MARCHF8: variants seen among roughly 807,000 people sequenced by gnomAD.
MARCHF8 encodes membrane associated ring-CH-type finger 8.
MARCHF8 carries 40 observed loss-of-function variants against 51.6 expected under a neutral mutation model. That is an observed-to-expected ratio of 0.77 (90% CI 0.60 to 1.01). The LOEUF (loss-of-function observed/expected upper bound fraction) is 1.01, where lower values mean the gene tolerates loss of function less well. MARCHF8 is among the 50% of genes least tolerant of loss of function. MARCHF8 has a pLI of 0.00. For synonymous variants in MARCHF8, 263 were observed against 280.3 expected (o/e 0.94, Z 0.62); for missense variants, 685 against 708.6 (o/e 0.97, Z 0.38).
intron 2 of MARCHF8, among the ~76,000 whole-genome samples, chr10:45,532,905 A>G (rs1232512291): frequency 6.6e-6 from 1 of 152,214 alleles, no homozygotes; most frequent in Non-Finnish European, 1.5e-5. Context: ...AGTCATTTAT[A>G]ACCATTTATA....
At chr10:45,530,526 A>G (rs1328374837) in intron 2 of MARCHF8, among the ~76,000 whole-genome samples, 1 of 152,226 alleles carries the variant, frequency 6.6e-6, no homozygotes, top group Non-Finnish European at 1.5e-5. Context: ...TCACACTTGC[A>G]GTCCCAGCAA....
chr10:45,536,657 G>A (rs1377653490), upstream of MARCHF8, among the ~76,000 whole-genome samples: 1 of 151,282 alleles, frequency 6.6e-6, no homozygotes, highest in Admixed American at 6.6e-5. Flanking sequence ...TGTAATAAGG[G>A]ACTTGTATCT....
intron 2 of MARCHF8, among the ~76,000 whole-genome samples, chr10:45,522,796 G>C (rs2043729831): frequency 6.6e-6 from 1 of 152,160 alleles, no homozygotes; most frequent in African/African-American, 2.4e-5. Context: ...TTCGGCATTA[G>C]GATGACTGGA....
intron 1 of MARCHF8, among the ~76,000 whole-genome samples, chr10:45,533,593 ATTTTTG>A (rs2043925416): frequency 1.3e-5 from 2 of 152,026 alleles, no homozygotes; most frequent in Non-Finnish European, 2.9e-5. Flanking sequence ...TTTTAAGAAT[ATTTTTG>A]AAGTTAAACT....
At chr10:45,587,551 T>A (rs952722519) in intron 1 of MARCHF8, among the ~76,000 whole-genome samples, 4 of 152,214 alleles carry the variant, frequency 2.6e-5, no homozygotes, top group African/African-American at 9.6e-5. Flanking sequence ...AACCACAAGT[T>A]GTTTTCTTTT....
In MARCHF8 at chr10:45,529,943, C is replaced by T. The variant is rs1056203358; in HGVS notation, c.102+3167G>A. Among the ~76,000 whole-genome samples, 11 of 152,108 alleles carry T rather than the reference C, an allele frequency of 7.2e-5. No homozygotes were observed. In the East Asian group the frequency reaches 1.2e-3, roughly 16 times the overall value. On this transcript the variant is annotated intron_variant, in intron 2 of 7. Transcript: ENST00000453424. ...CAGTGATCCCACTACTGGGGATCTA[C>T]GCAAAGGGAAAGAAATCATTATATC...
chr10:45,535,215 G>C lies in MARCHF8; in HGVS notation c.-83C>G, dbSNP rs1264087832. ...CACAAAACAAGAGGCACTTACTGCG[G>C]AGCTGCCTTATACTCCCTGGGAGAT... On this transcript the variant is annotated 5_prime_UTR_variant, in exon 1 of 8. Coordinates refer to ENST00000453424, the MANE Select transcript of MARCHF8 (RefSeq NM_001282866.2). 6.6e-6 allele frequency: 1 copy of C among 152,224 alleles called. No individual in the cohort carries two copies. Among genetic ancestry groups the C allele is most frequent in the African/African-American group, 2.4e-5 (1 of 41,448 alleles). 9.4% of individuals were successfully genotyped at this position (152,224 alleles called of 1,614,324 possible).
exon 1 of MARCHF8, chr10:45,594,526 G>A (rs534841875): frequency 1.3e-5 from 2 of 152,388 alleles, no homozygotes; most frequent in East Asian, 1.9e-4. Flanking sequence ...GAGACCCACT[G>A]CCTGGAGTCG....
chr10:45,584,006 CAAA>C (rs67624741), intron 1 of MARCHF8, among the ~76,000 whole-genome samples: 1 of 53,044 alleles, frequency 1.9e-5, no homozygotes, highest in African/African-American at 7.6e-5. Flanking sequence ...ACTTCATTTC[CAAA>C]AAAAAAAAAA....
At chr10:45,483,224 CAT>C (rs1460988255) in intron 3 of MARCHF8, among the ~76,000 whole-genome samples, 9 of 152,272 alleles carry the variant, frequency 5.9e-5, no homozygotes, top group East Asian at 5.8e-4. Context: ...TGACAGAAAA[CAT>C]GTGAAAACTA....
chr10:45,583,813 T>C (rs1189105526), intron 1 of MARCHF8, among the ~76,000 whole-genome samples: 1 of 151,784 alleles, frequency 6.6e-6, no homozygotes, highest in Non-Finnish European at 1.5e-5. Context: ...GACATATGCT[T>C]GTCAGATTGG....
chr10:45,484,534 G>A (rs932474020), intron 3 of MARCHF8, among the ~76,000 whole-genome samples: 2 of 152,132 alleles, frequency 1.3e-5, no homozygotes. Flanking sequence ...TCCAAGGGGG[G>A]ACATTCTGCT....
rs192179527 is a variant in MARCHF8 at position 45,508,508 on chromosome 10, T to G, written c.103-19091A>C. 1.3e-3 allele frequency among the ~76,000 whole-genome samples: 201 copies of G among 152,292 alleles called. 1 individual carries two copies. Among genetic ancestry groups the G allele is most frequent in the African/African-American group, 4.4e-3 (181 of 41,576 alleles). On this transcript the variant is annotated intron_variant, in intron 2 of 7. Transcript: ENST00000453424. ...CTGTATAGCTGTTATCACTCTTATG[T>G]TTTAAAATGTTAACTTGGTTACAAC... is the stretch of plus-strand genomic sequence containing the variant.
intron 6 of MARCHF8, 26 bp from the exon 7 acceptor site, chr10:45,459,293 G>A: frequency 1.2e-6 from 2 of 1,610,328 alleles, no homozygotes; most frequent in Non-Finnish European, 1.7e-6. Flanking sequence ...AGAGTGTGAG[G>A]CTCAGGCTTC....
At chr10:45,496,075 A>G (rs914459021) in intron 2 of MARCHF8, among the ~76,000 whole-genome samples, 2 of 152,152 alleles carry the variant, frequency 1.3e-5, no homozygotes, top group African/African-American at 4.8e-5. Context: ...ATATTCAGCA[A>G]AACTATCTTC....
chr10:45,567,152 G>C (rs1022198325), intron 1 of MARCHF8, among the ~76,000 whole-genome samples: 4 of 152,112 alleles, frequency 2.6e-5, no homozygotes, highest in African/African-American at 9.7e-5. Flanking sequence ...AGAGTTAGTA[G>C]AACTCCTTAT....
At chr10:45,498,386 C>A (rs2043213855) in intron 2 of MARCHF8, among the ~76,000 whole-genome samples, 1 of 152,126 alleles carries the variant, frequency 6.6e-6, no homozygotes, top group African/African-American at 2.4e-5. Flanking sequence ...ATACTTTATA[C>A]AAGTGGAATC....
At chr10:45,490,966 C>T (rs2043070090) in intron 2 of MARCHF8, among the ~76,000 whole-genome samples, 1 of 152,164 alleles carries the variant, frequency 6.6e-6, no homozygotes, top group South Asian at 2.1e-4. Flanking sequence ...GGCACAATCA[C>T]AATCATGCTT....
intron 1 of MARCHF8, among the ~76,000 whole-genome samples, chr10:45,568,806 C>T (rs1303035669): frequency 6.6e-6 from 1 of 150,556 alleles, no homozygotes; most frequent in East Asian, 2.0e-4. Flanking sequence ...TGCTGGCTTA[C>T]ACCTGTAATC....
Sources: allele counts gnomAD v4.1 joint callset (sites outside exome capture counted in the v4.1 genomes callset), GRCh38; gene constraint gnomAD v4.1.1; transcripts MANE v1.5; gene names NCBI Gene and HGNC (gene_info 2026-07-23, HGNC 2026-07-21).